Variants in TTC13 observed in about 807,000 individuals in gnomAD.
The protein encoded by TTC13 is tetratricopeptide repeat domain 13, also known as tetratricopeptide repeat protein 13.
TTC13 carries 62 observed loss-of-function variants against 120.0 expected under a neutral mutation model. The ratio of observed to expected loss-of-function variants is 0.52; its 90% CI spans 0.42 to 0.64. The LOEUF (loss-of-function observed/expected upper bound fraction) is 0.64. TTC13 is among the 30% of genes least tolerant of loss of function. The pLI, the probability that TTC13 is intolerant of heterozygous loss-of-function variation, is 0.00. For synonymous variants in TTC13, 384 were observed against 393.5 expected (o/e 0.98, Z 0.28); for missense variants, 824 against 1,050.2 (o/e 0.78, Z 2.98).
At position 230,954,391 on chromosome 1, in the gene TTC13, A is replaced by G. The variant is rs781127577; in HGVS notation, c.455T>C (p.Val152Ala). The change falls in exon 4 of 23, where the codon GTC becomes GCC. Residue 152 changes from valine (V) to alanine (A), a missense_variant. Around this residue, in one of 4 missense-constraint regions of TTC13, gnomAD observed 430 missense variants for 626.8 expected, o/e 0.69. Coordinates refer to ENST00000366661, the MANE Select transcript of TTC13 (RefSeq NM_024525.5). Reference sequence around the variant, plus strand: ...ATCATACAGACCACTGCCAATCAAGACATAAGCAATAGCTATGAAACAAAA... The same window carrying G: ...ATCATACAGACCACTGCCAATCAAGGCATAAGCAATAGCTATGAAACAAAA... ...STNEELAIAY[V>A]LIGSGLYDEA... 6.2e-7 allele frequency: 1 copy of G among 1,611,810 alleles called. No homozygotes were observed. The highest frequency in any genetic ancestry group is 8.5e-7 in the Non-Finnish European group (1 of 1,178,598).
At chr1:230,919,226 A>G (rs6657369) in intron 17 of TTC13, among the ~76,000 whole-genome samples, 103,451 of 151,422 alleles carry the variant, frequency 0.68, 35,435 homozygotes, top group Admixed American at 0.72. Context: ...GGTCTCACTC[A>G]TCACCCAGTG....
chr1:230,970,543 G>A (rs985154484), intron 1 of TTC13, among the ~76,000 whole-genome samples: 2 of 152,234 alleles, frequency 1.3e-5, no homozygotes, highest in Non-Finnish European at 2.9e-5. Context: ...CAACAGGACA[G>A]AAGGCAAAAT....
intron 15 of TTC13, among the ~76,000 whole-genome samples, chr1:230,922,438 A>G (rs1470440591): frequency 1.3e-5 from 2 of 152,068 alleles, no homozygotes; most frequent in South Asian, 2.1e-4. Context: ...CCAATGTGCA[A>G]ATCTGTTCCT....
At chr1:230,925,058 A>C in intron 13 of TTC13, 85 bp from the exon 14 acceptor site, 6 of 1,507,534 alleles carry the variant, frequency 4.0e-6, no homozygotes, top group African/African-American at 1.4e-5. Flanking sequence ...GTGATAACTC[A>C]AGAGTTAACA....
chr1:230,910,370 A>G (rs7417718), intron 20 of TTC13, among the ~76,000 whole-genome samples: 128,079 of 152,236 alleles, frequency 0.84, 54,059 homozygotes, highest in East Asian at 0.98. Context: ...GGGCAGGGCT[A>G]GCACTGCGCA....
At chr1:230,947,984 T>A (rs955650801) in intron 4 of TTC13, among the ~76,000 whole-genome samples, 2 of 152,120 alleles carry the variant, frequency 1.3e-5, no homozygotes, top group Admixed American at 6.5e-5. Context: ...TGCCCTATTC[T>A]AAGCCTTCCT....
At chr1:230,946,556 C>T (rs1016431574) in intron 4 of TTC13, among the ~76,000 whole-genome samples, 8 of 152,262 alleles carry the variant, frequency 5.3e-5, no homozygotes, top group Non-Finnish European at 8.8e-5. Context: ...TTGGACTACA[C>T]GGTGTATGAA....
At chr1:230,909,083 TC>T in intron 20 of TTC13, 63 bp from the exon 21 acceptor site, 1 of 1,344,132 alleles carries the variant, frequency 7.4e-7, no homozygotes, top group Non-Finnish European at 1.0e-6. Context: ...ATGTTAAATT[TC>T]ACCATGGACT....
At chr1:230,949,813 TTTTG>T (rs1675387459) in intron 4 of TTC13, among the ~76,000 whole-genome samples, 2 of 152,004 alleles carry the variant, frequency 1.3e-5, no homozygotes. Context: ...GCCCAGCTAA[TTTTG>T]TTTTTGTATT....
chr1:230,932,774 T>C (rs1462539447), intron 9 of TTC13, among the ~76,000 whole-genome samples: 10 of 152,206 alleles, frequency 6.6e-5, no homozygotes, highest in Non-Finnish European at 1.0e-4. Flanking sequence ...CTCTTGAATG[T>C]AATCCTTCCT....
chr1:230,957,820 C>T (rs1676241058), intron 3 of TTC13, among the ~76,000 whole-genome samples: 6 of 151,990 alleles, frequency 3.9e-5, no homozygotes. Flanking sequence ...TCACTAGCCT[C>T]ATGAGTAAAA....
intron 2 of TTC13, 146 bp from the exon 3 acceptor site, chr1:230,958,445 T>A: frequency 1.1e-6 from 1 of 917,512 alleles, no homozygotes; most frequent in Non-Finnish European, 1.6e-6. Context: ...GTGGGAATGT[T>A]TTACACTTTA....
intron 14 of TTC13, among the ~76,000 whole-genome samples, chr1:230,924,611 C>T (rs888479569): frequency 8.5e-5 from 13 of 152,282 alleles, no homozygotes; most frequent in Non-Finnish European, 1.3e-4. Context: ...GGATTACAGG[C>T]GTGAGCCACT....
intron 4 of TTC13, among the ~76,000 whole-genome samples, chr1:230,947,536 G>A (rs1288300986): frequency 1.3e-5 from 2 of 151,434 alleles, no homozygotes; most frequent in African/African-American, 4.9e-5. Context: ...ATAAAATACC[G>A]TAACACTAAT....
chr1:230,957,708 G>C (rs1676226356), intron 3 of TTC13, among the ~76,000 whole-genome samples: 1 of 152,116 alleles, frequency 6.6e-6, no homozygotes, highest in South Asian at 2.1e-4. Flanking sequence ...GACAAAACCA[G>C]CCTGTTTTAA....
chr1:230,930,906 G>A (rs926384932), intron 11 of TTC13, among the ~76,000 whole-genome samples: 4 of 152,146 alleles, frequency 2.6e-5, no homozygotes, highest in African/African-American at 9.7e-5. Flanking sequence ...GACAGAGCAA[G>A]ACTCCATCTC....
intron 4 of TTC13, among the ~76,000 whole-genome samples, chr1:230,950,018 T>A (rs920819622): frequency 1.3e-5 from 2 of 152,232 alleles, no homozygotes; most frequent in East Asian, 3.8e-4. Flanking sequence ...GTGGCTGTTA[T>A]ATCTACAGTC....
chr1:230,960,529 C>A (rs946257470), intron 2 of TTC13, among the ~76,000 whole-genome samples: 21 of 148,960 alleles, frequency 1.4e-4, no homozygotes, highest in African/African-American at 5.2e-4. Context: ...TTTGCAGTTT[C>A]AATCCATCTT....
chr1:230,966,722 G>A (rs1677162993), intron 1 of TTC13, among the ~76,000 whole-genome samples: 1 of 152,204 alleles, frequency 6.6e-6, no homozygotes, highest in Non-Finnish European at 1.5e-5. Context: ...GGCCTGGTCA[G>A]TTTCCCGAGG....
Sources: gnomAD v4.1 joint callset for allele counts (sites outside exome capture counted in the v4.1 genomes callset) on GRCh38, gnomAD v4.1.1 for gene constraint, gnomAD v4.1.1 regional missense constraint, MANE v1.5 for transcripts, NCBI Gene and HGNC (gene_info 2026-07-23, HGNC 2026-07-21) for gene names.